The following OVCH2 variants were observed in gnomAD, a reference collection of about 807,000 sequenced individuals.
OVCH2 encodes the protein ovochymase 2.
A neutral mutation model predicts 73.7 loss-of-function variants in OVCH2; 88 were observed. The ratio of observed to expected loss-of-function variants is 1.19; its 90% CI spans 1.01 to 1.43. OVCH2 has a LOEUF of 1.43. OVCH2 is among the 40% of genes most tolerant of loss of function. OVCH2 has a pLI of 0.00. For missense variants in OVCH2, 706 were observed against 674.5 expected (o/e 1.05, Z -0.52); for synonymous variants, 265 against 234.5 (o/e 1.13, Z -1.19).
chr11:7,702,030 G>A, intron 4 of OVCH2, 127 bp downstream of exon 4: 2 of 919,676 alleles, frequency 2.2e-6, no homozygotes, highest in Non-Finnish European at 3.3e-6. Flanking sequence ...TTTCAGGTAG[G>A]ACTCTCCAGC....
chr11:7,684,470 C>CTATATATATA (rs755430614), downstream of OVCH2, among the ~76,000 whole-genome samples: 2 of 120,632 alleles, frequency 1.7e-5, no homozygotes, highest in African/African-American at 7.6e-5. Context: ...GCCCTCAAAC[C>CTATATATATA]TATATATATA....
intron 7 of OVCH2, chr11:7,699,509 T>C (rs1168474357): frequency 6.6e-6 from 1 of 152,284 alleles, no homozygotes; most frequent in Admixed American, 6.5e-5. Context: ...GTAAATGCTA[T>C]GTAAATAGTT....
At chr11:7,694,545 A>C (rs1565167090) in intron 12 of OVCH2, among the ~76,000 whole-genome samples, 1 of 152,210 alleles carries the variant, frequency 6.6e-6, no homozygotes, top group East Asian at 1.9e-4. Context: ...TTTTGTGAGC[A>C]GTTTAATAAA....
Position 7,704,673 on chromosome 11 carries a change from A to T in OVCH2, c.90T>A (p.Ala30=), listed in dbSNP as rs1856501921. The T allele has an allele frequency of 1.9e-6, 3 of 1,603,798 alleles. No individual in the cohort carries two copies. The highest frequency in any genetic ancestry group is 2.6e-6 in the Non-Finnish European group (3 of 1,173,122). ...TAACCAGACTCTGCCCACAACTGGG[A>T]GCTGAGAAAAAAACGAGACAAACTA... ...GKSATLSLPK[A]PSCGQSLVKV... is the part of the protein sequence containing the mutation. Residue 30 remains alanine, a splice_region_variant and synonymous_variant, in exon 2 of 16, where the codon GCT becomes GCA. Coordinates refer to ENST00000533663, the MANE Select transcript of OVCH2 (RefSeq NM_198185.7).
Position 7,689,950 on chromosome 11 carries a change from A to C in OVCH2, c.*5T>G. Reference sequence around the variant, plus strand: ...AGAAACATTGGTTTCTCCATTTGGCACATCTCATGTCTCCAGAAACATTGA... The same window carrying C: ...AGAAACATTGGTTTCTCCATTTGGCCCATCTCATGTCTCCAGAAACATTGA... On this transcript the variant is annotated 3_prime_UTR_variant, in exon 15 of 16. Coordinates refer to ENST00000533663, the MANE Select transcript of OVCH2 (RefSeq NM_198185.7). 6.6e-7 allele frequency: 1 copy of C among 1,521,428 alleles called. No individual in the cohort carries two copies. The highest frequency in any genetic ancestry group is 8.8e-7 in the Non-Finnish European group (1 of 1,133,636). 94.2% of individuals were successfully genotyped at this position (1,521,428 alleles called of 1,614,324 possible).
At chr11:7,685,646 G>GCCACAGCTCCTGCCCT (rs545161094), downstream of OVCH2, among the ~76,000 whole-genome samples, 40,730 of 150,576 alleles carry the variant, frequency 0.27, 7,254 homozygotes, top group African/African-American at 0.52. Context: ...CACCCGGTCG[G>GCCACAGCTCCTGCCCT]TGTCCAGCCA....
the OVCH2 span, among the ~76,000 whole-genome samples, chr11:7,680,905 C>G: frequency 6.6e-6 from 1 of 152,164 alleles, no homozygotes; most frequent in Non-Finnish European, 1.5e-5. Context: ...GGGCTTGGCT[C>G]AGAAGTCCCC....
intron 12 of OVCH2, among the ~76,000 whole-genome samples, chr11:7,694,762 C>A (rs555508415): frequency 5.3e-5 from 8 of 151,742 alleles, no homozygotes; most frequent in Non-Finnish European, 1.2e-4. Flanking sequence ...CAGGCGCCCG[C>A]CACCGCGCCC....
intron 8 of OVCH2, among the ~76,000 whole-genome samples, chr11:7,698,453 T>A (rs1589878151): frequency 6.6e-6 from 1 of 152,124 alleles, no homozygotes; most frequent in African/African-American, 2.4e-5. Flanking sequence ...CAGGGCAAGG[T>A]GTGTAGCTTA....
intron 1 of OVCH2, chr11:7,705,633 A>G (rs1034826148): frequency 1.3e-5 from 2 of 152,258 alleles, no homozygotes; most frequent in African/African-American, 4.8e-5. Flanking sequence ...ACAGCTGGAT[A>G]ATGGCAGAGC....
At chr11:7,685,913 T>C (rs994795732), downstream of OVCH2, among the ~76,000 whole-genome samples, 6 of 152,212 alleles carry the variant, frequency 3.9e-5, no homozygotes, top group African/African-American at 1.4e-4. Context: ...GGTATCTTGC[T>C]GGATTCTAGT....
At chr11:7,704,745 A>G in intron 1 of OVCH2, 71 bp from the exon 2 acceptor site, 1 of 1,004,834 alleles carries the variant, frequency 1.0e-6, no homozygotes, top group Non-Finnish European at 1.5e-6. Flanking sequence ...TCTCCATTTC[A>G]CCCATGAAAC....
chr11:7,686,704 C>T (rs759578127), downstream of OVCH2, among the ~76,000 whole-genome samples: 19 of 152,168 alleles, frequency 1.2e-4, no homozygotes, highest in Non-Finnish European at 2.6e-4. Flanking sequence ...TCCCTTACTT[C>T]GTATCAGAGA....
chr11:7,695,811 T>C, intron 10 of OVCH2, 101 bp from the exon 11 acceptor site: 1 of 1,467,100 alleles, frequency 6.8e-7, no homozygotes, highest in South Asian at 1.2e-5. Context: ...TTCAGGATTG[T>C]CCAATCCAAA....
intron 9 of OVCH2, 48 bp downstream of exon 9, chr11:7,696,661 A>T: frequency 1.2e-6 from 2 of 1,613,946 alleles, no homozygotes. Flanking sequence ...TGGTGGGCCC[A>T]GACCGGAGGT....
Position 7,690,014 on chromosome 11 carries a change from C to G in OVCH2, c.1640-1G>C. 1 of 1,507,588 alleles carries G rather than the reference C, an allele frequency of 6.6e-7. No individual in the cohort carries two copies. The allele number at this position is 1,507,588 out of a possible 1,614,324, so 93.4% of individuals were successfully genotyped here. ...ATGGAGATGTTTAAATCTGGGTATA[C>G]TGGGTATAAGTATGATACAATTACT... On this transcript the variant is annotated splice_acceptor_variant, in intron 14 of 15. Coordinates refer to ENST00000533663, the MANE Select transcript of OVCH2 (RefSeq NM_198185.7). LOFTEE classifies it high-confidence loss of function.
chr11:7,680,592 G>A, the OVCH2 span, among the ~76,000 whole-genome samples: 2 of 152,118 alleles, frequency 1.3e-5, no homozygotes, highest in South Asian at 2.1e-4. Flanking sequence ...GATGGGGGGA[G>A]GGGCCACCTG....
rs373698741 is a variant in OVCH2, at chr11:7,695,598, A to G, written c.1254T>C (p.Tyr418=). The part of the protein sequence containing the change: ...TDNAAGFNLT[Y]KALKPNYIPD... ...GAATGTAGTTTGGTTTAAGAGCTTT[A>G]TAGGTAAGATTAAACCCAGCTGCAT... Residue 418 remains tyrosine, a synonymous_variant, in exon 11 of 16, where the codon TAT becomes TAC. Transcript: ENST00000533663. 13 of 1,613,772 alleles carry G rather than the reference A, an allele frequency of 8.1e-6. No homozygotes were observed. Among genetic ancestry groups the G allele is most frequent in the Non-Finnish European group, 1.1e-5 (13 of 1,179,722 alleles).
downstream of OVCH2, among the ~76,000 whole-genome samples, chr11:7,685,292 G>C (rs74054113): frequency 6.6e-6 from 1 of 152,130 alleles, no homozygotes; most frequent in East Asian, 1.9e-4. Flanking sequence ...ACCGAACTAC[G>C]TGAGATAACC....
Sources: gnomAD v4.1 joint callset for allele counts (sites outside exome capture counted in the v4.1 genomes callset) on GRCh38, gnomAD v4.1.1 for gene constraint, MANE v1.5 for transcripts, NCBI Gene and HGNC (gene_info 2026-07-23, HGNC 2026-07-21) for gene names.